GABRB2: variants seen among roughly 807,000 people sequenced by gnomAD.
The protein encoded by GABRB2 is gamma-aminobutyric acid receptor subunit beta-2.
A neutral mutation model predicts 54.7 loss-of-function variants in GABRB2; 16 were observed. The observed-to-expected ratio is 0.29, with a 90% confidence interval of 0.20 to 0.44. The LOEUF is 0.44. Among genes scored for constraint, GABRB2 ranks in the 20% least tolerant of loss-of-function variants. The pLI is 1.00. For missense variants in GABRB2, 355 were observed against 644.0 expected, an observed-to-expected ratio of 0.55 and a Z score of 4.86; for synonymous variants, 244 against 233.8, an observed-to-expected ratio of 1.04 and a Z score of -0.40.
rs562937870 is a variant in GABRB2 at position 161,314,708 on chromosome 5, T to C, written c.1191+11660A>G. Among the ~76,000 whole-genome samples, 589 of 152,168 alleles carry C rather than the reference T, an allele frequency of 3.9e-3. 1 individual carries two copies. The highest frequency in any genetic ancestry group is 7.2e-3 in the Non-Finnish European group (490 of 67,964). On this transcript the variant is annotated intron_variant, in intron 9 of 9. Coordinates refer to ENST00000393959, the MANE Select transcript of GABRB2 (RefSeq NM_001371727.1). ...CTCCCCCCTCTTTCTGCCATCTCCC[T>C]TCCTTCCTCCCTTTGTTCTTTCCCT...
intron 5 of GABRB2, among the ~76,000 whole-genome samples, chr5:161,373,409 G>A (rs1411575607): frequency 1.3e-5 from 2 of 152,086 alleles, no homozygotes; most frequent in Non-Finnish European, 2.9e-5. Flanking sequence ...AACAGCACTG[G>A]TATTATCAGT....
chr5:161,541,126 G>A lies in GABRB2; in HGVS notation c.237+4101C>T, dbSNP rs563741151. On this transcript the variant is annotated intron_variant, in intron 3 of 9. Coordinates refer to ENST00000393959, the MANE Select transcript of GABRB2 (RefSeq NM_001371727.1). ...CTCCCAAACTGTTGGAATTACAGGCGTCAGCCATTGCACCTGGTTGAGCAG... is the reference window on the plus strand; with the variant it reads ...CTCCCAAACTGTTGGAATTACAGGCATCAGCCATTGCACCTGGTTGAGCAG... 9.2e-5 allele frequency among the ~76,000 whole-genome samples: 14 copies of A among 151,796 alleles called. No homozygotes were observed. In the South Asian group the frequency reaches 1.7e-3, roughly 18 times the overall value.
intron 2 of GABRB2, among the ~76,000 whole-genome samples, chr5:161,546,055 G>A (rs562307937): frequency 2.4e-4 from 36 of 152,354 alleles, no homozygotes; most frequent in East Asian, 9.7e-4. Flanking sequence ...AGCAAAGGCA[G>A]GGAAGCAAAG....
intron 9 of GABRB2, among the ~76,000 whole-genome samples, chr5:161,306,583 A>G (rs1757697249): frequency 6.6e-6 from 1 of 152,168 alleles, no homozygotes; most frequent in African/African-American, 2.4e-5. Flanking sequence ...GTGTGTGGGG[A>G]ACACAGCCAG....
At chr5:161,545,156 G>A in intron 3 of GABRB2, 71 bp downstream of exon 3, 1 of 1,177,296 alleles carries the variant, frequency 8.5e-7, no homozygotes, top group Non-Finnish European at 1.2e-6. Context: ...ACCCCCAATA[G>A]CTGGCTCATT....
At chr5:161,487,369 A>G (rs968346979) in intron 3 of GABRB2, among the ~76,000 whole-genome samples, 1 of 151,950 alleles carries the variant, frequency 6.6e-6, no homozygotes, top group Admixed American at 6.6e-5. Flanking sequence ...GATTTGAGGG[A>G]CAGTCATTGT....
In GABRB2 at chr5:161,326,359, C is replaced by CTA; in HGVS notation, c.1191+7_1191+8dup. 1 of 1,609,182 alleles carries CTA rather than the reference C, an allele frequency of 6.2e-7. No individual in the cohort carries two copies. The highest frequency in any genetic ancestry group is 8.5e-7 in the Non-Finnish European group (1 of 1,178,494). On this transcript the variant is annotated intron_variant, in intron 9 of 9. Coordinates refer to ENST00000393959, the MANE Select transcript of GABRB2 (RefSeq NM_001371727.1). ...TACAAATAAATGGATTAAAAACTGGCTATCTAACCGTATACAGAGAGAAAT... is the reference window on the plus strand; with the variant it reads ...TACAAATAAATGGATTAAAAACTGGCTATATCTAACCGTATACAGAGAGAAAT...
intron 3 of GABRB2, among the ~76,000 whole-genome samples, chr5:161,467,326 T>C (rs1190314451): frequency 6.6e-6 from 1 of 152,096 alleles, no homozygotes; most frequent in Non-Finnish European, 1.5e-5. Context: ...CAACTGTGTC[T>C]AATATACCAT....
chr5:161,455,643 C>T (rs1451209392), intron 4 of GABRB2, among the ~76,000 whole-genome samples: 1 of 151,816 alleles, frequency 6.6e-6, no homozygotes, highest in Non-Finnish European at 1.5e-5. Flanking sequence ...CATCCTCCCA[C>T]CTCAGCCTCC....
intron 9 of GABRB2, among the ~76,000 whole-genome samples, chr5:161,307,278 A>G (rs1487752939): frequency 6.6e-6 from 1 of 152,286 alleles, no homozygotes; most frequent in South Asian, 2.1e-4. Context: ...TTCCATTTAT[A>G]ATTATATATT....
intron 4 of GABRB2, among the ~76,000 whole-genome samples, chr5:161,455,542 T>TC (rs1296556109): frequency 2.0e-5 from 3 of 151,662 alleles, no homozygotes; most frequent in South Asian, 2.1e-4. Flanking sequence ...TTTTTTTTTT[T>TC]TTTTTTGAGA....
At chr5:161,443,142 T>A (rs1757515511) in intron 4 of GABRB2, among the ~76,000 whole-genome samples, 1 of 152,146 alleles carries the variant, frequency 6.6e-6, no homozygotes, top group Admixed American at 6.6e-5. Flanking sequence ...CCCCACCAAA[T>A]CTTTGTTGTC....
At chr5:161,325,339 C>A (rs1284340918) in intron 9 of GABRB2, among the ~76,000 whole-genome samples, 1 of 152,086 alleles carries the variant, frequency 6.6e-6, no homozygotes, top group Admixed American at 6.6e-5. Context: ...TTTCAAACAT[C>A]TCTTCCATAA....
At chr5:161,433,060 A>G (rs1757212602) in intron 4 of GABRB2, among the ~76,000 whole-genome samples, 1 of 152,108 alleles carries the variant, frequency 6.6e-6, no homozygotes, top group Admixed American at 6.5e-5. Context: ...TGTGTGAGCA[A>G]TTTGGAGGGA....
At chr5:161,361,014 A>T (rs1467833696) in intron 5 of GABRB2, among the ~76,000 whole-genome samples, 1 of 152,056 alleles carries the variant, frequency 6.6e-6, no homozygotes, top group Non-Finnish European at 1.5e-5. Flanking sequence ...CGTCTCTAAT[A>T]AAAAAAGAAA....
At chr5:161,444,399 C>T (rs1158251794) in intron 4 of GABRB2, among the ~76,000 whole-genome samples, 1 of 152,184 alleles carries the variant, frequency 6.6e-6, no homozygotes, top group Non-Finnish European at 1.5e-5. Flanking sequence ...AGCACTGGCT[C>T]TCACTAGAAA....
intron 4 of GABRB2, among the ~76,000 whole-genome samples, chr5:161,420,216 A>AT (rs1756808641): frequency 1.3e-5 from 2 of 152,164 alleles, no homozygotes; most frequent in Non-Finnish European, 2.9e-5. Flanking sequence ...CAGTCTTTTA[A>AT]TTTTTTTAAC....
chr5:161,427,134 T>C (rs1757022723), intron 4 of GABRB2, among the ~76,000 whole-genome samples: 1 of 152,128 alleles, frequency 6.6e-6, no homozygotes, highest in Non-Finnish European at 1.5e-5. Flanking sequence ...GAAATGATAC[T>C]GGATATTAAA....
intron 5 of GABRB2, among the ~76,000 whole-genome samples, chr5:161,391,210 C>A (rs1755810843): frequency 6.6e-6 from 1 of 152,118 alleles, no homozygotes; most frequent in Non-Finnish European, 1.5e-5. Flanking sequence ...CCCAGTTTTC[C>A]CATTTCTCCT....
Sources: allele counts gnomAD v4.1 joint callset (sites outside exome capture counted in the v4.1 genomes callset), GRCh38; gene constraint gnomAD v4.1.1; transcripts MANE v1.5; gene names NCBI Gene and HGNC (gene_info 2026-07-23, HGNC 2026-07-21).